Variants in TLK1 observed in about 807,000 individuals in gnomAD.
The protein encoded by TLK1 is tousled like kinase 1, also known as serine/threonine-protein kinase tousled-like 1.
TLK1 carries 24 observed loss-of-function variants against 105.3 expected under a neutral mutation model. The ratio of observed to expected loss-of-function variants is 0.23; its 90% confidence interval spans 0.17 to 0.32. TLK1 has a LOEUF of 0.32. Ranked by LOEUF, TLK1 falls within the 10% of genes least tolerant of loss-of-function variation. The probability of loss-of-function intolerance (pLI) is 1.00; values close to 1 mark genes in which losing one functional copy is unlikely to be tolerated. For synonymous variants in TLK1, 321 were observed against 310.4 expected, an observed-to-expected ratio of 1.03 and a Z score of -0.36; for missense variants, 558 against 910.5, an observed-to-expected ratio of 0.61 and a Z score of 4.98.
chr2:171,217,465 G>A (rs868630716), intron 1 of TLK1, among the ~76,000 whole-genome samples: 1 of 151,668 alleles, frequency 6.6e-6, no homozygotes, highest in Non-Finnish European at 1.5e-5. Flanking sequence ...TTTGGGAGTC[G>A]TATTTCACCT....
At position 171,082,787 on chromosome 2, in the gene TLK1, T is replaced by C. The variant is rs1451651889; in HGVS notation, c.324A>G (p.Glu108=). 1.1e-5 allele frequency: 17 copies of C among 1,606,444 alleles called. No homozygotes were observed. The Admixed American group carries it at 2.7e-4, about 26-fold the overall frequency. ...FGSLGSLSDK[E]SETPEKKQSE... is the part of the protein sequence containing the mutation. ...TTAAAATGAAATTACTTACCTCTGA[T>C]TCTTTGTCACTTAAAGATCCCAAGC... Residue 108 remains glutamate, a synonymous_variant, in exon 3 of 21, where the codon GAA becomes GAG. Transcript: ENST00000431350.
chr2:171,016,604 A>G (rs1007492222), intron 12 of TLK1, among the ~76,000 whole-genome samples: 1 of 152,168 alleles, frequency 6.6e-6, no homozygotes, highest in Admixed American at 6.5e-5. Flanking sequence ...TTATCTTTTG[A>G]TATAAAAAAT....
chr2:171,074,626 CA>C (rs372844435), intron 3 of TLK1, among the ~76,000 whole-genome samples: 30,614 of 89,980 alleles, frequency 0.34, 2,698 homozygotes, highest in East Asian at 0.55. Flanking sequence ...GACTCTGCCT[CA>C]AAAAAAAAAA....
intron 8 of TLK1, among the ~76,000 whole-genome samples, chr2:171,050,669 G>T (rs1429743653): frequency 6.6e-6 from 1 of 152,158 alleles, no homozygotes; most frequent in Non-Finnish European, 1.5e-5. Context: ...TACACAAGTT[G>T]CCTACCCAAC....
intron 1 of TLK1, among the ~76,000 whole-genome samples, chr2:171,208,226 T>C (rs1213536155): frequency 6.6e-6 from 1 of 152,204 alleles, no homozygotes; most frequent in Non-Finnish European, 1.5e-5. Context: ...ATAGACTTTT[T>C]ATAAAATAAA....
intron 1 of TLK1, among the ~76,000 whole-genome samples, chr2:171,174,262 T>C (rs1692779897): frequency 6.6e-6 from 1 of 152,128 alleles, no homozygotes; most frequent in Non-Finnish European, 1.5e-5. Context: ...TTCACTTCCT[T>C]TGCCTTCCTC....
At chr2:170,998,606 C>T (rs980968125) in intron 18 of TLK1, among the ~76,000 whole-genome samples, 6 of 152,178 alleles carry the variant, frequency 3.9e-5, no homozygotes, top group Admixed American at 2.6e-4. Flanking sequence ...TGTGTTACTG[C>T]AGAATGGTGC....
chr2:171,133,568 C>T (rs1691188992), intron 1 of TLK1, among the ~76,000 whole-genome samples: 1 of 152,126 alleles, frequency 6.6e-6, no homozygotes, highest in South Asian at 2.1e-4. Flanking sequence ...CAAGGCACTT[C>T]AGCCTGGGAG....
intron 1 of TLK1, among the ~76,000 whole-genome samples, chr2:171,176,463 T>A (rs1377595632): frequency 6.6e-6 from 1 of 152,172 alleles, no homozygotes; most frequent in African/African-American, 2.4e-5. Context: ...CCCCCAAACC[T>A]GTTCTTTCCC....
chr2:171,075,773 A>G (rs1688474187), intron 3 of TLK1, among the ~76,000 whole-genome samples: 1 of 152,224 alleles, frequency 6.6e-6, no homozygotes, highest in South Asian at 2.1e-4. Context: ...ATAATCATTA[A>G]GAATTCCAAA....
chr2:171,103,886 A>G (rs987031333), intron 2 of TLK1, among the ~76,000 whole-genome samples: 1 of 152,266 alleles, frequency 6.6e-6, no homozygotes, highest in Admixed American at 6.5e-5. Flanking sequence ...TTCACCAAAA[A>G]GCTGTTAGAA....
At chr2:171,011,329 C>A in intron 14 of TLK1, 44 bp downstream of exon 14, 1 of 1,530,694 alleles carries the variant, frequency 6.5e-7, no homozygotes, top group Non-Finnish European at 8.9e-7. Flanking sequence ...CTCCTATATC[C>A]TTGCTACATT....
Position 171,160,328 on chromosome 2 carries a change from A to G in TLK1, c.101T>C (p.Leu34Pro). The G allele has an allele frequency of 6.2e-7, 1 of 1,601,366 alleles. No homozygotes were observed. The highest frequency in any genetic ancestry group is 8.5e-7 in the Non-Finnish European group (1 of 1,175,154). The change falls in exon 1 of 21, where the codon CTG (leucine) becomes CCG (proline). Residue 34 changes from leucine to proline, a missense_variant. Transcript: ENST00000431350. This position sits in a 1 kb window ranked among gnomAD's most constrained non-coding sequence, Gnocchi z 4.4. ...CCCGGATGGCGGCGTGTGATTCAGC[A>G]GGGACCTGGCCGCCGCCGCCGAGCC... ...TPGSAAAARS[L>P]LNHTPPSGRP...
chr2:171,081,213 T>A (rs900760584), intron 3 of TLK1, among the ~76,000 whole-genome samples: 3 of 152,202 alleles, frequency 2.0e-5, no homozygotes, highest in African/African-American at 7.2e-5. Flanking sequence ...TCTTATAGAC[T>A]AATTCCTCTG....
chr2:171,190,819 A>G (rs1018774532), intron 1 of TLK1, among the ~76,000 whole-genome samples: 10 of 152,148 alleles, frequency 6.6e-5, no homozygotes, highest in Admixed American at 4.6e-4. Flanking sequence ...TTAAAATCTA[A>G]TTTATTGTGA....
intron 12 of TLK1, among the ~76,000 whole-genome samples, chr2:171,017,198 G>A (rs1047158790): frequency 6.6e-6 from 1 of 152,122 alleles, no homozygotes; most frequent in Non-Finnish European, 1.5e-5. Context: ...GGTTTACCCA[G>A]GAGTATGAAA....
At chr2:171,175,131 G>A (rs1424300403) in intron 1 of TLK1, among the ~76,000 whole-genome samples, 1 of 152,068 alleles carries the variant, frequency 6.6e-6, no homozygotes, top group Non-Finnish European at 1.5e-5. Flanking sequence ...TACTTGGGAG[G>A]CTGATGTGAG....
chr2:171,001,039 TTTCA>T (rs1299520385), intron 18 of TLK1, among the ~76,000 whole-genome samples: 1 of 96,234 alleles, frequency 1.0e-5, no homozygotes, highest in Non-Finnish European at 2.9e-5. Flanking sequence ...CCACAGTCTC[TTTCA>T]TGATTTCCTT....
chr2:171,078,721 A>G (rs1428558915), intron 3 of TLK1, among the ~76,000 whole-genome samples: 1 of 152,242 alleles, frequency 6.6e-6, no homozygotes, highest in Non-Finnish European at 1.5e-5. Context: ...GAGCCCAAAC[A>G]GCAAACTTGA....
Sources: allele counts gnomAD v4.1 joint callset (sites outside exome capture counted in the v4.1 genomes callset), GRCh38; gene constraint gnomAD v4.1.1; non-coding constraint Gnocchi (gnomAD v3.1); transcripts MANE v1.5; gene names NCBI Gene and HGNC (gene_info 2026-07-23, HGNC 2026-07-21).